The following FDFT1 variants were observed in gnomAD, a reference collection of about 807,000 sequenced individuals.
FDFT1 encodes squalene synthase.
FDFT1 carries 68 observed loss-of-function variants against 46.8 expected under a neutral mutation model. That is an observed-to-expected ratio of 1.45 (90% CI 1.19 to 1.78). FDFT1 has a LOEUF of 1.78. FDFT1 is among the 40% of genes most tolerant of loss of function. FDFT1 has a pLI of 0.00. For missense variants in FDFT1, 928 were observed against 524.4 expected (o/e 1.77, Z -7.52); for synonymous variants, 351 against 185.1 (o/e 1.90, Z -7.28).
chr8:11,802,576 T>G (rs946292863), upstream of FDFT1: 8 of 620,938 alleles, frequency 1.3e-5, no homozygotes, highest in South Asian at 9.4e-5. Flanking sequence ...CGCGACTGAT[T>G]GGCCGGGGTC....
In FDFT1 at chr8:11,837,581, C is replaced by T. The variant is rs529469263; in HGVS notation, c.1033-807C>T. Among the ~76,000 whole-genome samples, 4 of 152,258 alleles carry T rather than the reference C, an allele frequency of 2.6e-5. No homozygotes were observed. In the East Asian group the frequency reaches 7.7e-4, roughly 29 times the overall value. On this transcript the variant is annotated intron_variant, in intron 7 of 7. Transcript: ENST00000220584. ...GAGGGAGGTGGGCAAGGGCTGGTGA[C>T]ACTAGACAGGTGCAGTAGGTCTGGA...
chr8:11,803,574 T>G (rs1806423127), intron 1 of FDFT1: 2 of 856,758 alleles, frequency 2.3e-6, no homozygotes, highest in South Asian at 1.8e-5. Flanking sequence ...ACTATTTGTT[T>G]AATGAATGCA....
chr8:11,808,850 C>G lies in FDFT1; in HGVS notation c.156C>G (p.Arg52=). 1 of 1,614,098 alleles carries G rather than the reference C, an allele frequency of 6.2e-7. No homozygotes were observed. The highest frequency in any genetic ancestry group is 8.5e-7 in the Non-Finnish European group (1 of 1,179,992). ...TCYKYLNQTS[R]SFAAVIQALD... is the part of the protein sequence containing the mutation. ...ACAAGTATCTCAATCAGACCAGTCG[C>G]AGTTTCGCAGCTGTTATCCAGGCGC... is the stretch of plus-strand genomic sequence containing the variant. Residue 52 remains arginine (R), a synonymous_variant, in exon 2 of 8, where the codon CGC becomes CGG. Transcript: ENST00000220584.
intron 3 of FDFT1, among the ~76,000 whole-genome samples, chr8:11,814,189 C>G (rs931161511): frequency 1.3e-5 from 2 of 151,952 alleles, no homozygotes; most frequent in African/African-American, 4.8e-5. Context: ...TGTAGAATCA[C>G]TGGTTTGTTT....
chr8:11,802,758 G>C lies in FDFT1; in HGVS notation c.-75G>C, dbSNP rs1806290285. 1 of 1,197,686 alleles carries C rather than the reference G, an allele frequency of 8.3e-7. No homozygotes were observed. The highest frequency in any genetic ancestry group is 1.5e-5 in the African/African-American group (1 of 66,098). 74.2% of individuals were successfully genotyped at this position (1,197,686 alleles called of 1,614,324 possible). A position where few individuals can be genotyped will look rare whatever the true frequency, so the allele number is the denominator to read the frequency against. On this transcript the variant is annotated 5_prime_UTR_variant, in exon 1 of 8. Coordinates refer to ENST00000220584, the MANE Select transcript of FDFT1 (RefSeq NM_004462.5). Reference sequence around the variant, plus strand: ...AGCCCCTCGAAGCACCTACTCCACAGGTCCAGCCGGCCGGTGAGCGCCTGG... The same window carrying C: ...AGCCCCTCGAAGCACCTACTCCACACGTCCAGCCGGCCGGTGAGCGCCTGG...
chr8:11,800,582 C>G (rs1008356525), upstream of FDFT1, among the ~76,000 whole-genome samples: 16 of 152,152 alleles, frequency 1.1e-4, no homozygotes, highest in African/African-American at 3.6e-4. Flanking sequence ...GGTTGAAACA[C>G]CTTCAAATAA....
rs368325351 is a variant in FDFT1 at position 11,830,359 on chromosome 8, T to A, written c.818T>A (p.Val273Asp). The change falls in exon 6 of 8, where the codon GTC (valine) becomes GAC (aspartate). Residue 273 changes from valine (V) to aspartate (D), a missense_variant. Transcript: ENST00000220584. Reference sequence around the variant, plus strand: ...AATGCACTGCACCACATCCCAGATGTCATCACCTACCTTTCGAGACTCAGA... The same window carrying A: ...AATGCACTGCACCACATCCCAGATGACATCACCTACCTTTCGAGACTCAGA... The part of the protein sequence containing the change: ...ITNALHHIPD[V>D]ITYLSRLRNQ... 2 of 1,613,960 alleles carry A rather than the reference T, an allele frequency of 1.2e-6. No homozygotes were observed. Among genetic ancestry groups the A allele is most frequent in the Non-Finnish European group, 1.7e-6 (2 of 1,179,870 alleles).
chr8:11,809,737 G>A lies in FDFT1; in HGVS notation c.268G>A (p.Val90Met), dbSNP rs769701350. The stretch of plus-strand genomic sequence containing the variant: ...ACTGGAAGATGACATGACCATCAGT[G>A]TGGAAAAGAAGGTCCCGCTGTTACA... The part of the protein sequence containing the change: ...DTLEDDMTIS[V>M]EKKVPLLHNF... The change falls in exon 3 of 8, where the codon GTG becomes ATG. Residue 90 changes from valine to methionine, a missense_variant. By Grantham distance (21) the Val-to-Met change is conservative (BLOSUM62 1). Transcript: ENST00000220584. 1 of 1,614,090 alleles carries A rather than the reference G, an allele frequency of 6.2e-7. No individual in the cohort carries two copies. The highest frequency in any genetic ancestry group is 8.5e-7 in the Non-Finnish European group (1 of 1,179,956).
intron 3 of FDFT1, among the ~76,000 whole-genome samples, chr8:11,818,155 A>G (rs899815729): frequency 6.6e-6 from 1 of 152,160 alleles, no homozygotes; most frequent in Admixed American, 6.5e-5. Flanking sequence ...TTCAGTTTCC[A>G]TGTAGATGTG....
At chr8:11,801,543 C>T (rs1191608097), upstream of FDFT1, among the ~76,000 whole-genome samples, 5 of 152,212 alleles carry the variant, frequency 3.3e-5, no homozygotes, top group Non-Finnish European at 5.9e-5. Context: ...TGGTCTTGAA[C>T]TCCAGACCTC....
intron 5 of FDFT1, 80 bp from the exon 6 acceptor site, chr8:11,830,164 C>A: frequency 8.5e-7 from 1 of 1,175,352 alleles, no homozygotes; most frequent in Non-Finnish European, 1.3e-6. Context: ...AGTTCTTATG[C>A]ACAAAGACCC....
chr8:11,814,610 A>G (rs1230449934), intron 3 of FDFT1, among the ~76,000 whole-genome samples: 2 of 152,226 alleles, frequency 1.3e-5, no homozygotes, highest in Non-Finnish European at 2.9e-5. Context: ...CAATTCTTTG[A>G]ACTTAAAACA....
chr8:11,819,920 A>C (rs745899698), intron 3 of FDFT1, among the ~76,000 whole-genome samples: 2 of 152,128 alleles, frequency 1.3e-5, no homozygotes, highest in African/African-American at 2.4e-5. Context: ...TTGGAGGAGA[A>C]GAGGCGTTCT....
Position 11,821,875 on chromosome 8 carries a change from C to T in FDFT1, c.507C>T (p.Asp169=). ...ATGTGACCTCTGAACAGGAGTGGGA[C>T]AAGGTTAGTCTCATAAAACAGTGTC... The part of the protein sequence containing the change: ...DKHVTSEQEW[D]KYCHYVAGLV... Residue 169 remains aspartate, a synonymous_variant, in exon 4 of 8, where the codon GAC becomes GAT. Coordinates refer to ENST00000220584, the MANE Select transcript of FDFT1 (RefSeq NM_004462.5). 1 of 1,612,656 alleles carries T rather than the reference C, an allele frequency of 6.2e-7. No individual in the cohort carries two copies. The highest frequency in any genetic ancestry group is 8.5e-7 in the Non-Finnish European group (1 of 1,179,036).
At chr8:11,823,983 C>G (rs1224234407) in intron 4 of FDFT1, among the ~76,000 whole-genome samples, 1 of 152,024 alleles carries the variant, frequency 6.6e-6, no homozygotes, top group East Asian at 1.9e-4. Context: ...TGGGCTCAAG[C>G]GATTCACCTG....
intron 1 of FDFT1, among the ~76,000 whole-genome samples, chr8:11,805,899 G>T (rs772876230): frequency 6.6e-6 from 1 of 152,156 alleles, no homozygotes; most frequent in African/African-American, 2.4e-5. Context: ...GACCTTAAAG[G>T]GTTGATTGAG....
chr8:11,838,611 C>G lies in FDFT1; in HGVS notation c.*2C>G, dbSNP rs376098828. ...TATGTTCAGACTGGAGAACACTGAT[C>G]CCAAATTTGTCCATAGCTGAAGTCC... On this transcript the variant is annotated 3_prime_UTR_variant, in exon 8 of 8. Transcript: ENST00000220584. 118 of 1,609,354 alleles carry G rather than the reference C, an allele frequency of 7.3e-5. No individual in the cohort carries two copies. The highest frequency in any genetic ancestry group is 9.2e-5 in the Non-Finnish European group (108 of 1,175,772).
intron 1 of FDFT1, among the ~76,000 whole-genome samples, chr8:11,807,371 C>A (rs1260831208): frequency 1.3e-5 from 2 of 152,100 alleles, no homozygotes; most frequent in African/African-American, 4.8e-5. Flanking sequence ...CTATGTTGCC[C>A]AGGCTGCCCT....
rs1304783891 is a variant in FDFT1, at chr8:11,839,035, C to T, written c.*426C>T. The T allele has an allele frequency of 5.8e-6, 1 of 173,528 alleles. No homozygotes were observed. Among genetic ancestry groups the T allele is most frequent in the Non-Finnish European group, 1.2e-5 (1 of 80,158 alleles). The allele number at this position is 173,528 out of a possible 1,614,324, so 10.7% of individuals were successfully genotyped here. On this transcript the variant is annotated 3_prime_UTR_variant, in exon 8 of 8. Coordinates refer to ENST00000220584, the MANE Select transcript of FDFT1 (RefSeq NM_004462.5). ...TCTGTTCGGCTCCTATTTTTCTCATCATTTTGTTTTCTTTAATTGGGTTGA... is the reference window on the plus strand; with the variant it reads ...TCTGTTCGGCTCCTATTTTTCTCATTATTTTGTTTTCTTTAATTGGGTTGA...
Sources: gnomAD v4.1 joint callset for allele counts (sites outside exome capture counted in the v4.1 genomes callset) on GRCh38, gnomAD v4.1.1 for gene constraint, MANE v1.5 for transcripts, NCBI Gene and HGNC (gene_info 2026-07-23, HGNC 2026-07-21) for gene names.